Variants in PDE1A observed in about 807,000 individuals in gnomAD.
PDE1A encodes the protein phosphodiesterase 1A.
In PDE1A, 35 loss-of-function variants were observed where a neutral mutation model predicts 61.7. The ratio of observed to expected loss-of-function variants is 0.57; its 90% CI spans 0.43 to 0.75. PDE1A has a LOEUF of 0.75. PDE1A is among the 30% of genes least tolerant of loss of function. The pLI is 0.00. For synonymous variants in PDE1A, 232 were observed against 213.2 expected, an observed-to-expected ratio of 1.09 and a Z score of -0.77; for missense variants, 597 against 630.6, an observed-to-expected ratio of 0.95 and a Z score of 0.57.
At chr2:182,504,987 T>G (rs1689309519) in intron 2 of PDE1A, among the ~76,000 whole-genome samples, 1 of 152,246 alleles carries the variant, frequency 6.6e-6, no homozygotes, top group South Asian at 2.1e-4. Flanking sequence ...TGTTGTAGCC[T>G]GGAAGCCAAT....
intron 8 of PDE1A, among the ~76,000 whole-genome samples, chr2:182,202,518 A>C (rs1686746972): frequency 6.6e-6 from 1 of 152,174 alleles, no homozygotes; most frequent in Admixed American, 6.5e-5. Context: ...CCCCCAAAGG[A>C]GACTGAGTCA....
the PDE1A span, among the ~76,000 whole-genome samples, chr2:182,561,018 C>T: frequency 6.7e-6 from 1 of 148,272 alleles, no homozygotes; most frequent in African/African-American, 2.5e-5. Flanking sequence ...CCTGTTCACT[C>T]TGATGGTAGT....
chr2:182,552,974 C>T, the PDE1A span, among the ~76,000 whole-genome samples: 6 of 152,284 alleles, frequency 3.9e-5, no homozygotes, highest in East Asian at 1.9e-4. Context: ...GCAGGGTGTC[C>T]GCTGTGCTCC....
At chr2:182,661,817 C>T in the PDE1A span, among the ~76,000 whole-genome samples, 1 of 151,942 alleles carries the variant, frequency 6.6e-6, no homozygotes, top group Non-Finnish European at 1.5e-5. Context: ...ACGAAAATGT[C>T]AGGTACCTAG....
At chr2:182,470,398 G>A (rs1446271688) in intron 2 of PDE1A, among the ~76,000 whole-genome samples, 4 of 151,678 alleles carry the variant, frequency 2.6e-5, no homozygotes, top group South Asian at 4.1e-4. Flanking sequence ...CTAAATGTTC[G>A]GTATAATTCA....
At chr2:182,577,899 G>A in the PDE1A span, among the ~76,000 whole-genome samples, 11 of 143,506 alleles carry the variant, frequency 7.7e-5, 1 homozygote, top group East Asian at 4.1e-4. Flanking sequence ...CAGTCTGGGC[G>A]ACAGAGCAAG....
chr2:182,166,697 T>C (rs949517148), downstream of PDE1A, among the ~76,000 whole-genome samples: 3 of 152,210 alleles, frequency 2.0e-5, no homozygotes, highest in African/African-American at 4.8e-5. Flanking sequence ...GTATTTCTTA[T>C]TGTTTCTGTC....
the PDE1A span, among the ~76,000 whole-genome samples, chr2:182,537,245 C>T: frequency 6.6e-6 from 1 of 152,222 alleles, no homozygotes; most frequent in South Asian, 2.1e-4. Context: ...TGAATGTAGG[C>T]TTCTCTAAGG....
At chr2:182,428,372 T>A (rs986367718), upstream of PDE1A, among the ~76,000 whole-genome samples, 1 of 152,156 alleles carries the variant, frequency 6.6e-6, no homozygotes, top group African/African-American at 2.4e-5. Context: ...TTATGATGCC[T>A]GATACTTCAA....
chr2:182,200,526 C>A (rs1436781306), intron 10 of PDE1A, among the ~76,000 whole-genome samples: 1 of 152,214 alleles, frequency 6.6e-6, no homozygotes, highest in African/African-American at 2.4e-5. Context: ...GCTAACTCCA[C>A]TGGAAATAGC....
chr2:182,391,596 T>C (rs1447712464), intron 1 of PDE1A, among the ~76,000 whole-genome samples: 1 of 152,212 alleles, frequency 6.6e-6, no homozygotes, highest in East Asian at 1.9e-4. Flanking sequence ...CTGTCATTGC[T>C]CTTCTCTATA....
intron 10 of PDE1A, among the ~76,000 whole-genome samples, chr2:182,193,986 C>T (rs2125435592): frequency 6.6e-6 from 1 of 152,204 alleles, no homozygotes; most frequent in South Asian, 2.1e-4. Flanking sequence ...TGAAATAACA[C>T]ACTTTATACT....
At chr2:182,552,374 T>C in the PDE1A span, among the ~76,000 whole-genome samples, 4 of 152,256 alleles carry the variant, frequency 2.6e-5, no homozygotes, top group South Asian at 4.1e-4. Flanking sequence ...CAACAGGGAA[T>C]TGTGAGCAGC....
At chr2:182,275,895 A>G (rs921847041) in intron 1 of PDE1A, among the ~76,000 whole-genome samples, 1 of 152,120 alleles carries the variant, frequency 6.6e-6, no homozygotes, top group Admixed American at 6.6e-5. Context: ...CATATGCTCA[A>G]TTTATATTTG....
At chr2:182,265,317 CAA>C (rs903454818) in intron 1 of PDE1A, among the ~76,000 whole-genome samples, 6 of 151,764 alleles carry the variant, frequency 4.0e-5, no homozygotes, top group Middle Eastern at 3.4e-3. Flanking sequence ...AACAAAAAAA[CAA>C]AGAGTGCTTT....
chr2:182,343,079 C>T (rs1315479282), intron 1 of PDE1A, among the ~76,000 whole-genome samples: 1 of 152,130 alleles, frequency 6.6e-6, no homozygotes, highest in Admixed American at 6.5e-5. Flanking sequence ...GATACATTGT[C>T]TTATATACAA....
the PDE1A span, among the ~76,000 whole-genome samples, chr2:182,715,267 G>GA: frequency 6.6e-6 from 1 of 152,200 alleles, no homozygotes; most frequent in Admixed American, 6.5e-5. Flanking sequence ...TATCTTGTAA[G>GA]ATTATTTGGA....
chr2:182,153,576 C>G lies in PDE1A; in HGVS notation c.1517-6424G>C, dbSNP rs186323809. Among the ~76,000 whole-genome samples the G allele has an allele frequency of 3.9e-5, 6 of 152,284 alleles. No homozygotes were observed. The East Asian group carries it at 1.2e-3, about 29-fold the overall frequency. On this transcript the variant is annotated intron_variant, in intron 13 of 13. Transcript: ENST00000409365. ...AATCGCAGATCTTCTTAAAAGAAAG[C>G]AGGCTCTGAGAGCAGGGAGATGATA...
chr2:182,303,891 C>CTGAT (rs1553572424), intron 1 of PDE1A, among the ~76,000 whole-genome samples: 4 of 81,892 alleles, frequency 4.9e-5, no homozygotes, highest in Non-Finnish European at 8.5e-5. Flanking sequence ...GGCTTCTTTT[C>CTGAT]TGTTTGTTTG....
Sources: allele counts gnomAD v4.1 joint callset (sites outside exome capture counted in the v4.1 genomes callset), GRCh38; gene constraint gnomAD v4.1.1; transcripts MANE v1.5; gene names NCBI Gene and HGNC (gene_info 2026-07-23, HGNC 2026-07-21).